The following ADAMTS12 variants were observed in gnomAD, a reference collection of about 807,000 sequenced individuals.
The protein encoded by ADAMTS12 is A disintegrin and metalloproteinase with thrombospondin motifs 12.
ADAMTS12 carries 118 observed loss-of-function variants against 167.8 expected under a neutral mutation model. The observed-to-expected ratio is 0.70, with a 90% CI of 0.61 to 0.82. The LOEUF is 0.82. ADAMTS12 is among the 40% of genes least tolerant of loss of function. The pLI, the probability that ADAMTS12 is intolerant of heterozygous loss-of-function variation, is 0.00. For synonymous variants in ADAMTS12, 704 were observed against 716.9 expected (o/e 0.98, Z 0.29); for missense variants, 1,916 against 1,998.8 (o/e 0.96, Z 0.79).
At chr5:33,867,520 G>C (rs952728523) in intron 2 of ADAMTS12, among the ~76,000 whole-genome samples, 3 of 152,054 alleles carry the variant, frequency 2.0e-5, no homozygotes, top group African/African-American at 7.2e-5. Context: ...GTGTACACTA[G>C]TTGGGTGATG....
At chr5:33,578,566 T>C (rs980157710) in intron 18 of ADAMTS12, among the ~76,000 whole-genome samples, 1 of 152,140 alleles carries the variant, frequency 6.6e-6, no homozygotes, top group African/African-American at 2.4e-5. Flanking sequence ...ACCTTATACA[T>C]ATTAATTAAG....
Position 33,588,747 on chromosome 5 carries a change from C to T in ADAMTS12, c.2717G>A (p.Arg906Gln), listed in dbSNP as rs775660919. The change falls in exon 18 of 24, where the codon CGA becomes CAA. Residue 906 changes from arginine to glutamine, a missense_variant. Arg to Gln is a conservative substitution (Grantham distance 43). Transcript: ENST00000504830. ...ATCGPHGEKK[R>Q]TVLCIQTMVS... is the part of the protein sequence containing the mutation. ...CATGGTCTGGATGCACAGCACGGTTCGCTTCTTCTCCCCGTGGGGCCCGCA... is the reference window on the plus strand; with the variant it reads ...CATGGTCTGGATGCACAGCACGGTTTGCTTCTTCTCCCCGTGGGGCCCGCA... The T allele has an allele frequency of 2.3e-5, 37 of 1,613,968 alleles. No individual in the cohort carries two copies. Among genetic ancestry groups the T allele is most frequent in the Non-Finnish European group, 3.0e-5 (35 of 1,180,038 alleles).
intron 19 of ADAMTS12, among the ~76,000 whole-genome samples, chr5:33,574,436 T>C (rs907253796): frequency 7.2e-5 from 11 of 152,208 alleles, no homozygotes; most frequent in African/African-American, 2.7e-4. Flanking sequence ...GATGAGTTCA[T>C]GTCCTTTGTA....
chr5:33,779,834 T>C (rs1178069817), intron 2 of ADAMTS12, among the ~76,000 whole-genome samples: 3 of 152,152 alleles, frequency 2.0e-5, no homozygotes, highest in Non-Finnish European at 4.4e-5. Context: ...CATGAAGAGA[T>C]GTTGGTCAAA....
intron 3 of ADAMTS12, among the ~76,000 whole-genome samples, chr5:33,716,207 G>A (rs1048589677): frequency 8.5e-5 from 13 of 152,096 alleles, no homozygotes; most frequent in African/African-American, 2.4e-4. Context: ...TCTACCATGT[G>A]GAGACACAGA....
intron 2 of ADAMTS12, chr5:33,840,290 C>T (rs1220669655): frequency 6.6e-6 from 1 of 152,238 alleles, no homozygotes; most frequent in Non-Finnish European, 1.5e-5. Flanking sequence ...GCTCTAGGGT[C>T]TCACTGTATG....
intron 3 of ADAMTS12, among the ~76,000 whole-genome samples, chr5:33,720,456 C>T (rs993404264): frequency 1.3e-5 from 2 of 152,076 alleles, no homozygotes; most frequent in Non-Finnish European, 2.9e-5. Flanking sequence ...TAACCATCAA[C>T]AATAAATGCT....
At chr5:33,880,421 A>G (rs190587017) in intron 2 of ADAMTS12, among the ~76,000 whole-genome samples, 1 of 152,346 alleles carries the variant, frequency 6.6e-6, no homozygotes, top group East Asian at 1.9e-4. Context: ...TCAGCCATAC[A>G]GTAACTACAC....
At chr5:33,532,348 CAAT>C in intron 23 of ADAMTS12, among the ~76,000 whole-genome samples, 1 of 152,048 alleles carries the variant, frequency 6.6e-6, no homozygotes, top group East Asian at 1.9e-4. Context: ...ATCTTGTGAT[CAAT>C]AATATTTTGT....
chr5:33,680,598 A>T (rs190953281), intron 5 of ADAMTS12, among the ~76,000 whole-genome samples: 5 of 152,062 alleles, frequency 3.3e-5, no homozygotes, highest in East Asian at 3.9e-4. Context: ...AAAAAGTAAA[A>T]TTTTTTTCTC....
intron 2 of ADAMTS12, among the ~76,000 whole-genome samples, chr5:33,799,155 A>G (rs1746896835): frequency 6.6e-6 from 1 of 152,206 alleles, no homozygotes; most frequent in African/African-American, 2.4e-5. Flanking sequence ...CAGTGTGGGC[A>G]TGTGTGCTCC....
intron 16 of ADAMTS12, among the ~76,000 whole-genome samples, chr5:33,610,008 C>T (rs1332340753): frequency 2.0e-5 from 3 of 151,442 alleles, no homozygotes; most frequent in South Asian, 4.2e-4. Flanking sequence ...GGAGAAACCC[C>T]GTCTCTACTA....
intron 2 of ADAMTS12, among the ~76,000 whole-genome samples, chr5:33,823,270 G>T (rs1025490328): frequency 6.6e-6 from 1 of 152,182 alleles, no homozygotes; most frequent in African/African-American, 2.4e-5. Flanking sequence ...TAACATGAAT[G>T]AGTGAAGCAC....
At chr5:33,649,090 A>T (rs1217570235) in intron 8 of ADAMTS12, 124 bp from the exon 9 acceptor site, 1 of 1,208,594 alleles carries the variant, frequency 8.3e-7, no homozygotes. Context: ...ATTTTTTACA[A>T]GGCAGAGAAC....
intron 7 of ADAMTS12, among the ~76,000 whole-genome samples, chr5:33,651,114 C>A (rs1373133628): frequency 6.6e-6 from 1 of 152,110 alleles, no homozygotes; most frequent in Non-Finnish European, 1.5e-5. Context: ...ACCACACACC[C>A]ACAAAGAATG....
chr5:33,822,454 G>T (rs1037871678), intron 2 of ADAMTS12, among the ~76,000 whole-genome samples: 7 of 151,974 alleles, frequency 4.6e-5, no homozygotes, highest in African/African-American at 1.7e-4. Flanking sequence ...GAGGAAATTG[G>T]GTTATATTTT....
At chr5:33,578,877 A>C (rs921734106) in intron 18 of ADAMTS12, among the ~76,000 whole-genome samples, 8 of 152,210 alleles carry the variant, frequency 5.3e-5, no homozygotes, top group African/African-American at 1.9e-4. Context: ...CTGTGGATTT[A>C]AGATGTCCAC....
chr5:33,853,528 T>C (rs1749293198), intron 2 of ADAMTS12, among the ~76,000 whole-genome samples: 1 of 152,162 alleles, frequency 6.6e-6, no homozygotes, highest in Non-Finnish European at 1.5e-5. Flanking sequence ...AATGGGTACA[T>C]TTGGCCAAAT....
intron 14 of ADAMTS12, among the ~76,000 whole-genome samples, chr5:33,618,095 C>A (rs938047617): frequency 6.6e-6 from 1 of 152,200 alleles, no homozygotes; most frequent in African/African-American, 2.4e-5. Flanking sequence ...CAACAGTCCA[C>A]TAATACATAT....
Sources: gnomAD v4.1 joint callset for allele counts (sites outside exome capture counted in the v4.1 genomes callset) on GRCh38, gnomAD v4.1.1 for gene constraint, MANE v1.5 for transcripts, NCBI Gene and HGNC (gene_info 2026-07-23, HGNC 2026-07-21) for gene names.